Variants in CALD1 observed in about 807,000 individuals in gnomAD.
The protein encoded by CALD1 is caldesmon 1.
In CALD1, 33 loss-of-function variants were observed where a neutral mutation model predicts 99.9. The ratio of observed to expected loss-of-function variants is 0.33; its 90% CI spans 0.25 to 0.44. CALD1 has a LOEUF of 0.44. Among genes scored for constraint, CALD1 ranks in the 20% least tolerant of loss-of-function variants. The probability of loss-of-function intolerance (pLI) is 1.00; values close to 1 mark genes in which losing one functional copy is unlikely to be tolerated. For missense variants in CALD1, 861 were observed against 962.1 expected (o/e 0.89, Z 1.39); for synonymous variants, 310 against 325.0 (o/e 0.95, Z 0.50).
chr7:134,794,767 T>C (rs1457080051), intron 1 of CALD1, among the ~76,000 whole-genome samples: 1 of 152,178 alleles, frequency 6.6e-6, no homozygotes, highest in Non-Finnish European at 1.5e-5. Flanking sequence ...GATTATACCA[T>C]GCCCAGCCTG....
chr7:134,957,832 T>C (rs1807892577), intron 9 of CALD1, among the ~76,000 whole-genome samples: 1 of 152,164 alleles, frequency 6.6e-6, no homozygotes, highest in African/African-American at 2.4e-5. Flanking sequence ...CTTGATTTTT[T>C]TTTTTTTACA....
intron 1 of CALD1, among the ~76,000 whole-genome samples, chr7:134,801,587 T>C (rs546707666): frequency 4.1e-4 from 63 of 152,320 alleles, no homozygotes; most frequent in African/African-American, 1.4e-3. Flanking sequence ...TATTTTTGCT[T>C]GGTACATTGA....
Position 134,920,504 on chromosome 7 carries a change from C to T in CALD1, c.72-8250C>T, listed in dbSNP as rs115450545. On this transcript the variant is annotated intron_variant, in intron 3 of 14. Coordinates refer to ENST00000361675, the MANE Select transcript of CALD1 (RefSeq NM_033138.4). Reference sequence around the variant, plus strand: ...CTTTTTTGAGGCTGTGAGCCCCAGGCATTCTTCTTTGGGGTGTGGCCTTCA... The same window carrying T: ...CTTTTTTGAGGCTGTGAGCCCCAGGTATTCTTCTTTGGGGTGTGGCCTTCA... 543 of 1,119,398 alleles carry T rather than the reference C, an allele frequency of 4.9e-4. 2 individuals are homozygous for T. In the African/African-American group the frequency reaches 8.5e-3, roughly 17 times the overall value. The allele number at this position is 1,119,398 out of a possible 1,614,324, so 69.3% of individuals were successfully genotyped here. A position where few individuals can be genotyped will look rare whatever the true frequency, so the allele number is the denominator to read the frequency against.
At chr7:134,866,865 A>T (rs1413232619) in intron 2 of CALD1, 1 of 152,222 alleles carries the variant, frequency 6.6e-6, no homozygotes, top group African/African-American at 2.4e-5. Flanking sequence ...CTGTAAACAA[A>T]GCAAGGACAA....
chr7:134,926,275 CTTTAAA>C (rs1805012720), intron 3 of CALD1, among the ~76,000 whole-genome samples: 1 of 152,142 alleles, frequency 6.6e-6, no homozygotes. Context: ...TAAAATTTAA[CTTTAAA>C]TTTAACTTTA....
chr7:134,841,859 C>T (rs1799664146), intron 1 of CALD1, among the ~76,000 whole-genome samples: 5 of 152,188 alleles, frequency 3.3e-5, no homozygotes, highest in Admixed American at 1.3e-4. Flanking sequence ...AGCACACAGC[C>T]ATCTCATAAA....
At chr7:134,815,835 T>G (rs1330048974) in intron 1 of CALD1, among the ~76,000 whole-genome samples, 1 of 152,198 alleles carries the variant, frequency 6.6e-6, no homozygotes, top group Non-Finnish European at 1.5e-5. Flanking sequence ...AATTATCAAA[T>G]AAAACATTTT....
At chr7:134,726,697 A>G in the CALD1 span, among the ~76,000 whole-genome samples, 2 of 152,032 alleles carry the variant, frequency 1.3e-5, no homozygotes, top group South Asian at 4.1e-4. Flanking sequence ...ATAATTGCAA[A>G]CAACTCAAAC....
chr7:134,907,758 C>G (rs951015536), intron 3 of CALD1, among the ~76,000 whole-genome samples: 2 of 152,172 alleles, frequency 1.3e-5, no homozygotes, highest in African/African-American at 4.8e-5. Flanking sequence ...CAGTCCCCCC[C>G]CGCCTTTTCA....
intron 2 of CALD1, among the ~76,000 whole-genome samples, chr7:134,862,584 A>C (rs1475983567): frequency 2.6e-5 from 4 of 152,144 alleles, no homozygotes; most frequent in Non-Finnish European, 4.4e-5. Context: ...GGAAGGGATA[A>C]ATGAGTGGAG....
At chr7:134,791,098 T>A (rs566047901) in intron 1 of CALD1, among the ~76,000 whole-genome samples, 1 of 152,322 alleles carries the variant, frequency 6.6e-6, no homozygotes, top group East Asian at 1.9e-4. Context: ...TACTACTTAT[T>A]AAGAAGACTT....
the CALD1 span, among the ~76,000 whole-genome samples, chr7:134,734,736 T>C: frequency 6.6e-6 from 1 of 152,204 alleles, no homozygotes; most frequent in Non-Finnish European, 1.5e-5. Flanking sequence ...CCACATAAGA[T>C]GTGACTTTGC....
chr7:134,952,883 C>A (rs141414179), intron 9 of CALD1, among the ~76,000 whole-genome samples: 4 of 152,142 alleles, frequency 2.6e-5, no homozygotes, highest in African/African-American at 9.7e-5. Context: ...TTAAACTAAG[C>A]CACAGAGGGA....
chr7:134,913,349 A>G (rs1239060785), intron 3 of CALD1, among the ~76,000 whole-genome samples: 1 of 152,230 alleles, frequency 6.6e-6, no homozygotes, highest in African/African-American at 2.4e-5. Flanking sequence ...AGACCTTCAC[A>G]TTATCGATTA....
chr7:134,718,178 CATT>C, the CALD1 span, among the ~76,000 whole-genome samples: 1 of 152,160 alleles, frequency 6.6e-6, no homozygotes, highest in South Asian at 2.1e-4. Context: ...AGATTGAAAA[CATT>C]TTTTTAAATC....
At chr7:134,936,923 ATCAT>A (rs1206450131) in intron 6 of CALD1, among the ~76,000 whole-genome samples, 32 of 152,246 alleles carry the variant, frequency 2.1e-4, no homozygotes, top group Non-Finnish European at 2.8e-4. Context: ...AGTCAAGGAA[ATCAT>A]TCATTGAACA....
At chr7:134,804,772 A>G (rs1309109220) in intron 1 of CALD1, among the ~76,000 whole-genome samples, 1 of 152,230 alleles carries the variant, frequency 6.6e-6, no homozygotes, top group Non-Finnish European at 1.5e-5. Context: ...CATTTTTCCT[A>G]AAACTTCCCC....
At chr7:134,828,695 T>C (rs918807826) in intron 1 of CALD1, among the ~76,000 whole-genome samples, 1 of 152,164 alleles carries the variant, frequency 6.6e-6, no homozygotes, top group South Asian at 2.1e-4. Context: ...AATGAGATAA[T>C]GCATGATTCA....
At chr7:134,896,263 G>C (rs1802567956) in intron 3 of CALD1, among the ~76,000 whole-genome samples, 1 of 152,138 alleles carries the variant, frequency 6.6e-6, no homozygotes, top group African/African-American at 2.4e-5. Context: ...AGTAAATTTT[G>C]CCTTTCTGAG....
Sources: allele counts gnomAD v4.1 joint callset (sites outside exome capture counted in the v4.1 genomes callset), GRCh38; gene constraint gnomAD v4.1.1; transcripts MANE v1.5; gene names NCBI Gene and HGNC (gene_info 2026-07-23, HGNC 2026-07-21).